Variants in TBC1D1 observed in about 807,000 individuals in gnomAD.
TBC1D1 encodes the protein TBC1 domain family member 1.
A neutral mutation model predicts 125.6 loss-of-function variants in TBC1D1; 89 were observed. The observed-to-expected ratio is 0.71, with a 90% CI of 0.60 to 0.85. TBC1D1 has a LOEUF of 0.85. Ranked by LOEUF, TBC1D1 falls within the 40% of genes least tolerant of loss-of-function variation. The probability of loss-of-function intolerance (pLI) is 0.00; values close to 1 mark genes in which losing one functional copy is unlikely to be tolerated. For missense variants in TBC1D1, 1,377 were observed against 1,469.2 expected (o/e 0.94, Z 1.03); for synonymous variants, 565 against 564.1 (o/e 1.00, Z -0.02).
chr4:37,990,123 C>T (rs993812799), intron 2 of TBC1D1, among the ~76,000 whole-genome samples: 12 of 152,102 alleles, frequency 7.9e-5, no homozygotes, highest in South Asian at 4.1e-4. Flanking sequence ...ATTTTTGAGA[C>T]GTTATTTGCT....
At chr4:38,110,580 T>G (rs2152567016) in intron 15 of TBC1D1, 1 of 985,448 alleles carries the variant, frequency 1.0e-6, no homozygotes, top group African/African-American at 1.7e-5. Context: ...ATTTCTCCAC[T>G]TAGATCCACA....
rs753148001 is a variant in TBC1D1 at position 38,021,543 on chromosome 4, A to G, written c.1078-43A>G. The G allele has an allele frequency of 8.2e-6, 12 of 1,456,006 alleles. No homozygotes were observed. The Admixed American group carries it at 3.3e-4, about 40-fold the overall frequency. 90.2% of individuals were successfully genotyped at this position (1,456,006 alleles called of 1,614,324 possible). On this transcript the variant is annotated intron_variant, in intron 5 of 19. Coordinates refer to ENST00000261439, the MANE Select transcript of TBC1D1 (RefSeq NM_015173.4). ...TGACATCTCAGCCCAGCTAATTTCA[A>G]ATTGACTTTTTGGTGACTACAACTT...
At chr4:37,997,612 A>C (rs982407515) in intron 2 of TBC1D1, among the ~76,000 whole-genome samples, 2 of 152,214 alleles carry the variant, frequency 1.3e-5, no homozygotes, top group Non-Finnish European at 2.9e-5. Context: ...AAAAATACAT[A>C]TATATGAAAA....
intron 12 of TBC1D1, among the ~76,000 whole-genome samples, chr4:38,086,562 G>T (rs1757515799): frequency 1.3e-5 from 2 of 152,190 alleles, no homozygotes; most frequent in African/African-American, 4.8e-5. Flanking sequence ...ATATGTCTTT[G>T]TATTCTGGAC....
chr4:37,986,716 G>A (rs983957609), intron 2 of TBC1D1, among the ~76,000 whole-genome samples: 2 of 152,152 alleles, frequency 1.3e-5, no homozygotes, highest in Non-Finnish European at 2.9e-5. Context: ...ACAGGTGCGA[G>A]CCACTGTGCC....
intron 3 of TBC1D1, 113 bp downstream of exon 3, chr4:38,015,086 C>T: frequency 1.1e-6 from 1 of 893,530 alleles, no homozygotes; most frequent in Non-Finnish European, 1.7e-6. Context: ...ATGTGTGAAT[C>T]CATATATTTT....
chr4:38,135,888 A>G (rs59758842), intron 19 of TBC1D1, among the ~76,000 whole-genome samples: 12,555 of 126,476 alleles, frequency 0.099, 1,320 homozygotes, highest in African/African-American at 0.29. Flanking sequence ...GTGTGTGTGT[A>G]TATATGTGTG....
At chr4:37,931,669 G>A (rs1235354039) in intron 2 of TBC1D1, among the ~76,000 whole-genome samples, 2 of 151,702 alleles carry the variant, frequency 1.3e-5, no homozygotes, top group African/African-American at 4.8e-5. Flanking sequence ...GTAGAGACGG[G>A]GTTTCACCAT....
At position 37,977,413 on chromosome 4, in the gene TBC1D1, A is replaced by G; in HGVS notation, c.418-37096A>G. Reference sequence around the variant, plus strand: ...GATGCCCCGGCCCCGCCGCTCCCCAAGCCCGCCCCCGGCCGCCCGCGGGCC... The same window carrying G: ...GATGCCCCGGCCCCGCCGCTCCCCAGGCCCGCCCCCGGCCGCCCGCGGGCC... On this transcript the variant is annotated intron_variant, in intron 2 of 19. Coordinates refer to ENST00000261439, the MANE Select transcript of TBC1D1 (RefSeq NM_015173.4). This position sits in a 1 kb window ranked among gnomAD's most constrained non-coding sequence, Gnocchi z 4.3. 1 of 853,558 alleles carries G rather than the reference A, an allele frequency of 1.2e-6. No individual in the cohort carries two copies. The highest frequency in any genetic ancestry group is 1.4e-6 in the Non-Finnish European group (1 of 712,198). 52.9% of individuals were successfully genotyped at this position (853,558 alleles called of 1,614,324 possible).
chr4:37,947,802 G>A (rs4298147), intron 2 of TBC1D1, among the ~76,000 whole-genome samples: 5 of 152,100 alleles, frequency 3.3e-5, no homozygotes, highest in Admixed American at 3.3e-4. Context: ...AAGAATTTTG[G>A]GGGTGACGGG....
At chr4:38,079,031 A>G (rs549720507) in intron 12 of TBC1D1, among the ~76,000 whole-genome samples, 2 of 152,206 alleles carry the variant, frequency 1.3e-5, no homozygotes, top group African/African-American at 4.8e-5. Flanking sequence ...TACTGAGCCC[A>G]CCTTTCTCAG....
intron 2 of TBC1D1, among the ~76,000 whole-genome samples, chr4:38,008,140 G>T (rs947206783): frequency 4.6e-5 from 7 of 152,250 alleles, no homozygotes; most frequent in Admixed American, 4.6e-4. Context: ...TTCTCATCCA[G>T]ATTGAATATT....
At chr4:37,922,808 T>C (rs894983234) in intron 2 of TBC1D1, among the ~76,000 whole-genome samples, 3 of 152,010 alleles carry the variant, frequency 2.0e-5, no homozygotes, top group Non-Finnish European at 4.4e-5. Flanking sequence ...CAATGATTGG[T>C]TTGGGGGTGG....
chr4:37,933,872 GA>G (rs937330232), intron 2 of TBC1D1, among the ~76,000 whole-genome samples: 3 of 151,730 alleles, frequency 2.0e-5, no homozygotes, highest in Non-Finnish European at 4.4e-5. Context: ...TTAATTTGGG[GA>G]AAAAAAAGGC....
At chr4:38,058,121 C>A in intron 12 of TBC1D1, among the ~76,000 whole-genome samples, 1 of 152,184 alleles carries the variant, frequency 6.6e-6, no homozygotes, top group East Asian at 1.9e-4. Flanking sequence ...CAATCTCCTC[C>A]GCCCCCTTCC....
chr4:38,040,064 A>AT (rs967988261), intron 8 of TBC1D1, among the ~76,000 whole-genome samples: 1 of 152,124 alleles, frequency 6.6e-6, no homozygotes, highest in Admixed American at 6.5e-5. Flanking sequence ...AATGTGAATT[A>AT]TTTTTTAAAT....
chr4:38,076,406 T>TA (rs1755604165), intron 12 of TBC1D1, among the ~76,000 whole-genome samples: 1 of 152,126 alleles, frequency 6.6e-6, no homozygotes, highest in African/African-American at 2.4e-5. Context: ...CCAAACCACA[T>TA]TAAATCCCAA....
At chr4:38,039,263 G>T (rs2152462297) in intron 8 of TBC1D1, among the ~76,000 whole-genome samples, 1 of 151,452 alleles carries the variant, frequency 6.6e-6, no homozygotes, top group East Asian at 2.0e-4. Context: ...GACTACAGGT[G>T]CCTGCCACCA....
intron 2 of TBC1D1, among the ~76,000 whole-genome samples, chr4:37,954,866 A>ATTT (rs11380098): frequency 7.7e-4 from 92 of 119,142 alleles, no homozygotes; most frequent in African/African-American, 2.8e-3. Context: ...TTAGCAGTGG[A>ATTT]TTTTTTTTTT....
Sources: allele counts gnomAD v4.1 joint callset (sites outside exome capture counted in the v4.1 genomes callset), GRCh38; gene constraint gnomAD v4.1.1; non-coding constraint Gnocchi (gnomAD v3.1); transcripts MANE v1.5; gene names NCBI Gene and HGNC (gene_info 2026-07-23, HGNC 2026-07-21).